ASZ1: variants seen among roughly 807,000 people sequenced by gnomAD.
ASZ1 encodes the protein ankyrin repeat, SAM and basic leucine zipper domain-containing protein 1.
Under a neutral mutation model 61.8 loss-of-function variants are expected in ASZ1, and 67 were observed. The observed-to-expected ratio is 1.08, with a 90% CI of 0.89 to 1.33. ASZ1 has a LOEUF of 1.33. ASZ1 is among the 40% of genes most tolerant of loss of function. ASZ1 has a pLI of 0.00. For missense variants in ASZ1, 577 were observed against 554.5 expected (o/e 1.04, Z -0.41); for synonymous variants, 193 against 192.7 (o/e 1.00, Z -0.01).
rs772111979 is a variant in ASZ1 at position 117,384,797 on chromosome 7, C to G, written c.616G>C (p.Ala206Pro). The change falls in exon 6 of 13, where the codon GCT becomes CCT. Residue 206 changes from alanine (A) to proline (P), a missense_variant. By Grantham distance (27) the Ala-to-Pro change is conservative (BLOSUM62 -1). Coordinates refer to ENST00000284629, the MANE Select transcript of ASZ1 (RefSeq NM_130768.3). ...NIVLKLLELG[A>P]NKMLQTKDGK... ...TCTTTGGTTTGTAGCATTTTATTAG[C>G]TCCAAGTTCAAGCAACTTCAAAACT... 8 of 1,610,488 alleles carry G rather than the reference C, an allele frequency of 5.0e-6. No homozygotes were observed. The highest frequency in any genetic ancestry group is 1.3e-5 in the African/African-American group (1 of 74,718).
chr7:117,378,159 A>C (rs1796172659), intron 10 of ASZ1, among the ~76,000 whole-genome samples: 1 of 152,188 alleles, frequency 6.6e-6, no homozygotes, highest in Non-Finnish European at 1.5e-5. Flanking sequence ...AAATATGCCA[A>C]AAGTACTGTT....
chr7:117,380,094 T>A, intron 9 of ASZ1, 47 bp from the exon 10 acceptor site: 1 of 1,269,444 alleles, frequency 7.9e-7, no homozygotes, highest in Non-Finnish European at 1.1e-6. Flanking sequence ...TATACTTGAG[T>A]AATTTAAAAC....
chr7:117,399,568 AT>A (rs1176455484), intron 4 of ASZ1, among the ~76,000 whole-genome samples: 1 of 151,686 alleles, frequency 6.6e-6, no homozygotes, highest in Non-Finnish European at 1.5e-5. Flanking sequence ...ACATTAAGTG[AT>A]TTTTTTTCTT....
chr7:117,402,342 CA>C (rs1316221137), intron 4 of ASZ1, among the ~76,000 whole-genome samples: 1 of 152,150 alleles, frequency 6.6e-6, no homozygotes, highest in Admixed American at 6.5e-5. Context: ...ATCCTTTAAC[CA>C]AACTGCTATG....
intron 4 of ASZ1, among the ~76,000 whole-genome samples, chr7:117,415,931 C>T: frequency 6.6e-6 from 1 of 152,212 alleles, no homozygotes; most frequent in East Asian, 1.9e-4. Context: ...TGACTCATGC[C>T]TGTAATCCCA....
At chr7:117,392,995 T>C (rs1195010068) in intron 4 of ASZ1, among the ~76,000 whole-genome samples, 1 of 151,908 alleles carries the variant, frequency 6.6e-6, no homozygotes, top group Non-Finnish European at 1.5e-5. Flanking sequence ...TACAGGCGCA[T>C]GCCACCATGC....
chr7:117,415,500 A>T (rs889393852), intron 4 of ASZ1, among the ~76,000 whole-genome samples: 1 of 152,224 alleles, frequency 6.6e-6, no homozygotes, highest in South Asian at 2.1e-4. Context: ...CCATATTCAC[A>T]TAATTTTTAT....
intron 4 of ASZ1, among the ~76,000 whole-genome samples, chr7:117,393,284 T>C (rs1562852759): frequency 1.3e-5 from 2 of 152,208 alleles, no homozygotes; most frequent in Non-Finnish European, 2.9e-5. Flanking sequence ...CTCTTGTTGA[T>C]TGTGTTATTC....
intron 4 of ASZ1, among the ~76,000 whole-genome samples, chr7:117,389,094 T>C (rs1796414821): frequency 6.6e-6 from 1 of 152,174 alleles, no homozygotes; most frequent in South Asian, 2.1e-4. Flanking sequence ...CATATATGCA[T>C]ATATAAATAC....
intron 2 of ASZ1, among the ~76,000 whole-genome samples, chr7:117,426,184 T>C (rs574341349): frequency 2.6e-5 from 4 of 151,458 alleles, no homozygotes; most frequent in African/African-American, 9.7e-5. Flanking sequence ...AACCATTTCT[T>C]AAGAAACATA....
Position 117,363,668 on chromosome 7 carries a change from C to G in ASZ1, c.1356G>C (p.Lys452Asn). Residue 452 changes from lysine (K) to asparagine (N), a missense_variant, in exon 13 of 13, where the codon AAG (lysine) becomes AAC (asparagine). By Grantham distance (94) the Lys-to-Asn change is moderately conservative. Transcript: ENST00000284629. ...ATCCGCATATGGTAATAGCTGTCCT[C>G]TTCAAAATTCTACTATTCCATGTAG... ...EVSTWNSRIL[K>N]RTAITICGFG... 6.2e-7 allele frequency: 1 copy of G among 1,609,570 alleles called. No individual in the cohort carries two copies. The highest frequency in any genetic ancestry group is 8.5e-7 in the Non-Finnish European group (1 of 1,177,692).
intron 4 of ASZ1, among the ~76,000 whole-genome samples, chr7:117,417,234 G>A (rs1373826104): frequency 2.6e-5 from 4 of 151,660 alleles, no homozygotes; most frequent in Admixed American, 6.6e-5. Flanking sequence ...TATCAAGTAC[G>A]TGACCATCTA....
intron 4 of ASZ1, among the ~76,000 whole-genome samples, chr7:117,418,971 A>G (rs1797050249): frequency 6.6e-6 from 1 of 152,066 alleles, no homozygotes; most frequent in South Asian, 2.1e-4. Flanking sequence ...AAAAAAAAAT[A>G]CAGGTTTGCA....
intron 4 of ASZ1, among the ~76,000 whole-genome samples, chr7:117,397,614 C>A (rs944404163): frequency 2.6e-5 from 4 of 152,134 alleles, no homozygotes; most frequent in Non-Finnish European, 4.4e-5. Context: ...GGTCTGAAGG[C>A]AGGGAATTTA....
At chr7:117,393,271 A>C (rs942192010) in intron 4 of ASZ1, among the ~76,000 whole-genome samples, 1 of 152,194 alleles carries the variant, frequency 6.6e-6, no homozygotes, top group Non-Finnish European at 1.5e-5. Flanking sequence ...TATCAATTAG[A>C]TACTCTTGTT....
chr7:117,400,875 C>T (rs367648137), intron 4 of ASZ1, among the ~76,000 whole-genome samples: 1 of 152,150 alleles, frequency 6.6e-6, no homozygotes, highest in African/African-American at 2.4e-5. Flanking sequence ...TGAAATCCAG[C>T]CTTGAACCAT....
intron 4 of ASZ1, among the ~76,000 whole-genome samples, chr7:117,399,530 T>A (rs1040470748): frequency 3.9e-5 from 6 of 152,374 alleles, no homozygotes; most frequent in Non-Finnish European, 7.3e-5. Context: ...ATTAATTGTG[T>A]AACAGAAACC....
chr7:117,416,223 A>G (rs1796988804), intron 4 of ASZ1, among the ~76,000 whole-genome samples: 1 of 152,060 alleles, frequency 6.6e-6, no homozygotes, highest in Non-Finnish European at 1.5e-5. Context: ...ATAAAAAAGG[A>G]GTGGATAGTC....
chr7:117,377,668 A>T (rs1002198168), intron 10 of ASZ1, among the ~76,000 whole-genome samples: 9 of 152,198 alleles, frequency 5.9e-5, no homozygotes, highest in African/African-American at 1.9e-4. Flanking sequence ...CAATCTCAGA[A>T]AGGTTTTTTG....
Sources: gnomAD v4.1 joint callset for allele counts (sites outside exome capture counted in the v4.1 genomes callset) on GRCh38, gnomAD v4.1.1 for gene constraint, MANE v1.5 for transcripts, NCBI Gene and HGNC (gene_info 2026-07-23, HGNC 2026-07-21) for gene names.